The following NRG3 variants were observed in gnomAD, a reference collection of about 807,000 sequenced individuals.
NRG3 encodes pro-neuregulin-3, membrane-bound isoform.
Under a neutral mutation model 66.9 loss-of-function variants are expected in NRG3, and 31 were observed. That is an observed-to-expected ratio of 0.46 (90% CI 0.35 to 0.63). The LOEUF (loss-of-function observed/expected upper bound fraction) is 0.63, where lower values mean the gene tolerates loss of function less well. NRG3 is among the 20% of genes least tolerant of loss of function. The probability of loss-of-function intolerance (pLI) is 0.00; values close to 1 mark genes in which losing one functional copy is unlikely to be tolerated. For missense variants in NRG3, 910 were observed against 878.9 expected (o/e 1.04, Z -0.45); for synonymous variants, 393 against 359.4 (o/e 1.09, Z -1.06).
At chr10:82,159,877 A>T (rs1012437488) in intron 1 of NRG3, among the ~76,000 whole-genome samples, 101 of 151,908 alleles carry the variant, frequency 6.6e-4, no homozygotes, top group African/African-American at 2.3e-3. Context: ...ATATAAAGCT[A>T]TGTGTGGATG....
chr10:82,851,219 G>T (rs904041054), intron 3 of NRG3, among the ~76,000 whole-genome samples: 8 of 151,930 alleles, frequency 5.3e-5, no homozygotes, highest in Admixed American at 1.3e-4. Flanking sequence ...AACACATTTC[G>T]TTTATCTAAT....
intron 1 of NRG3, among the ~76,000 whole-genome samples, chr10:82,259,638 A>G (rs1312918051): frequency 1.3e-5 from 2 of 152,180 alleles, no homozygotes; most frequent in Admixed American, 6.5e-5. Context: ...CTCCGTAACA[A>G]TGAATTAGGC....
chr10:82,976,961 C>CT (rs1352897615), intron 7 of NRG3, among the ~76,000 whole-genome samples: 2 of 152,006 alleles, frequency 1.3e-5, no homozygotes, highest in South Asian at 2.1e-4. Context: ...TCATTTATTG[C>CT]TTTTTTTGCC....
At chr10:82,174,877 C>G (rs2072908022) in intron 1 of NRG3, among the ~76,000 whole-genome samples, 1 of 152,120 alleles carries the variant, frequency 6.6e-6, no homozygotes, top group Admixed American at 6.6e-5. Context: ...TTCCCATTTT[C>G]TAATGATTGA....
intron 1 of NRG3, among the ~76,000 whole-genome samples, chr10:82,331,667 T>C (rs1564803784): frequency 6.6e-6 from 1 of 152,268 alleles, no homozygotes; most frequent in Non-Finnish European, 1.5e-5. Context: ...CTTTTTATTT[T>C]TTATGGCTAT....
At chr10:82,964,455 A>G (rs1014502534) in intron 6 of NRG3, among the ~76,000 whole-genome samples, 4 of 152,154 alleles carry the variant, frequency 2.6e-5, no homozygotes, top group Non-Finnish European at 5.9e-5. Context: ...TGCTGTGCCT[A>G]GTGTCTGAAG....
intron 3 of NRG3, among the ~76,000 whole-genome samples, chr10:82,836,311 A>G (rs1224200480): frequency 6.6e-6 from 1 of 152,176 alleles, no homozygotes; most frequent in Non-Finnish European, 1.5e-5. Context: ...AGAGTTAACA[A>G]TCTGCAGGAC....
rs999606341 is a variant in NRG3 at position 82,232,871 on chromosome 10, A to G, written c.824-125868A>G. On this transcript the variant is annotated intron_variant, in intron 1 of 8. Coordinates refer to ENST00000372141, the MANE Select transcript of NRG3 (RefSeq NM_001010848.4). ...GGGGTTTCTGAGAGAAGGGTAAGGC[A>G]GGATAGGATGAACAGTTTAGGACTA... 4 of 716,778 alleles carry G rather than the reference A, an allele frequency of 5.6e-6. No individual in the cohort carries two copies. The Admixed American group carries it at 8.0e-5, about 14-fold the overall frequency. 44.4% of individuals were successfully genotyped at this position (716,778 alleles called of 1,614,324 possible). A position where few individuals can be genotyped will look rare whatever the true frequency, so the allele number is the denominator to read the frequency against.
chr10:82,983,753 A>G (rs1047521246), intron 8 of NRG3, among the ~76,000 whole-genome samples: 4 of 152,238 alleles, frequency 2.6e-5, no homozygotes, highest in African/African-American at 9.6e-5. Context: ...GTCTGAAAAT[A>G]GACATTAAGT....
intron 1 of NRG3, among the ~76,000 whole-genome samples, chr10:82,192,817 T>C (rs2074230447): frequency 6.6e-6 from 1 of 152,162 alleles, no homozygotes; most frequent in Non-Finnish European, 1.5e-5. Flanking sequence ...GTAAGGTGAT[T>C]AGTGCTAAAA....
At chr10:82,034,947 A>T (rs1403027792) in intron 1 of NRG3, among the ~76,000 whole-genome samples, 2 of 152,088 alleles carry the variant, frequency 1.3e-5, no homozygotes, top group Non-Finnish European at 2.9e-5. Flanking sequence ...GTGTTGCCTC[A>T]TTTTGACCTG....
chr10:82,776,668 G>A (rs2059922428), intron 3 of NRG3, among the ~76,000 whole-genome samples: 2 of 151,190 alleles, frequency 1.3e-5, no homozygotes, highest in South Asian at 4.2e-4. Context: ...CTGTTTTCAA[G>A]TTCAGACAGA....
chr10:82,929,984 T>C (rs1428798595), intron 4 of NRG3, among the ~76,000 whole-genome samples: 1 of 152,164 alleles, frequency 6.6e-6, no homozygotes, highest in African/African-American at 2.4e-5. Context: ...CTGGGTTGCC[T>C]AAACTTGTAG....
intron 1 of NRG3, among the ~76,000 whole-genome samples, chr10:82,177,433 T>C (rs1304729133): frequency 2.0e-5 from 3 of 152,164 alleles, no homozygotes; most frequent in Non-Finnish European, 2.9e-5. Flanking sequence ...GATAAATCCA[T>C]TAACACTCAA....
At position 82,253,770 on chromosome 10, in the gene NRG3, A is replaced by G. The variant is rs569379922; in HGVS notation, c.824-104969A>G. On this transcript the variant is annotated intron_variant, in intron 1 of 8. Coordinates refer to ENST00000372141, the MANE Select transcript of NRG3 (RefSeq NM_001010848.4). ...TTCCATAGCTAATAAGATAAAATAA[A>G]AATTCTTACCTCGGTTATCCTACAA... Among the ~76,000 whole-genome samples, 13 of 152,314 alleles carry G rather than the reference A, an allele frequency of 8.5e-5. No individual in the cohort carries two copies. In the East Asian group the frequency reaches 2.5e-3, roughly 29 times the overall value.
intron 2 of NRG3, among the ~76,000 whole-genome samples, chr10:82,392,936 G>T (rs1194061508): frequency 6.6e-6 from 1 of 150,404 alleles, no homozygotes; most frequent in East Asian, 2.0e-4. Context: ...TGACAGTTAT[G>T]GCCATTTTCT....
chr10:82,463,828 C>A (rs1195504324), intron 2 of NRG3, among the ~76,000 whole-genome samples: 1 of 152,210 alleles, frequency 6.6e-6, no homozygotes, highest in Non-Finnish European at 1.5e-5. Context: ...AGATTGTAAT[C>A]GAAAGCAGGT....
At chr10:82,622,360 G>A (rs572755176) in intron 2 of NRG3, among the ~76,000 whole-genome samples, 3 of 152,156 alleles carry the variant, frequency 2.0e-5, no homozygotes, top group East Asian at 1.9e-4. Context: ...TGGGAAAGAC[G>A]CAAAGATAAT....
chr10:82,607,881 C>T (rs1215177302), intron 2 of NRG3, among the ~76,000 whole-genome samples: 2 of 152,138 alleles, frequency 1.3e-5, no homozygotes, highest in Non-Finnish European at 2.9e-5. Context: ...CAGTCCCTCC[C>T]TTCTAGCCCT....
Sources: gnomAD v4.1 joint callset for allele counts (sites outside exome capture counted in the v4.1 genomes callset) on GRCh38, gnomAD v4.1.1 for gene constraint, MANE v1.5 for transcripts, NCBI Gene and HGNC (gene_info 2026-07-23, HGNC 2026-07-21) for gene names.